Variants in SLC13A3 observed in about 807,000 individuals in gnomAD.
SLC13A3 encodes Na(+)/dicarboxylate cotransporter 3.
SLC13A3 carries 40 observed loss-of-function variants against 59.0 expected under a neutral mutation model. The ratio of observed to expected loss-of-function variants is 0.68; its 90% confidence interval spans 0.53 to 0.88. The LOEUF (loss-of-function observed/expected upper bound fraction) is 0.88. Ranked by LOEUF, SLC13A3 falls within the 40% of genes least tolerant of loss-of-function variation. SLC13A3 has a pLI of 0.00. For missense variants in SLC13A3, 699 were observed against 783.2 expected (o/e 0.89, Z 1.28); for synonymous variants, 317 against 330.3 (o/e 0.96, Z 0.44).
chr20:46,657,683 T>C (rs569739601), intron 1 of SLC13A3, among the ~76,000 whole-genome samples: 9 of 152,126 alleles, frequency 5.9e-5, no homozygotes, highest in Non-Finnish European at 1.3e-4. Context: ...GAAAAGAGGT[T>C]TAATGAGCTC....
chr20:46,623,176 C>T (rs1257224363), intron 1 of SLC13A3, among the ~76,000 whole-genome samples: 6 of 152,160 alleles, frequency 3.9e-5, no homozygotes, highest in African/African-American at 1.4e-4. Context: ...AAATGGAATA[C>T]AATGGTTGAG....
At chr20:46,563,385 G>C (rs1344241448) in intron 12 of SLC13A3, 29 bp downstream of exon 12, 2 of 1,604,908 alleles carry the variant, frequency 1.2e-6, no homozygotes, top group African/African-American at 1.3e-5. Context: ...CACATCCCGG[G>C]GCCTCTGCTG....
At chr20:46,666,431 T>G (rs1219329548) in intron 1 of SLC13A3, among the ~76,000 whole-genome samples, 1 of 152,164 alleles carries the variant, frequency 6.6e-6, no homozygotes, top group Non-Finnish European at 1.5e-5. Flanking sequence ...TACTTTTGAC[T>G]GAAAGAGAGT....
intron 1 of SLC13A3, among the ~76,000 whole-genome samples, chr20:46,679,880 C>A (rs943987323): frequency 8.6e-5 from 13 of 151,262 alleles, no homozygotes; most frequent in Non-Finnish European, 1.3e-4. Context: ...TACACTCCAG[C>A]CTGAGTGACA....
chr20:46,663,444 CAAA>C (rs11086176), intron 1 of SLC13A3, among the ~76,000 whole-genome samples: 7 of 122,204 alleles, frequency 5.7e-5, no homozygotes, highest in Admixed American at 3.4e-4. Context: ...GACCCTGTTT[CAAA>C]AAAAAAAAAA....
At chr20:46,655,909 T>C (rs893378703), upstream of SLC13A3, among the ~76,000 whole-genome samples, 9 of 141,978 alleles carry the variant, frequency 6.3e-5, no homozygotes, top group Non-Finnish European at 1.2e-4. Flanking sequence ...TACTGTACAG[T>C]ATATTATATA....
intron 1 of SLC13A3, among the ~76,000 whole-genome samples, chr20:46,679,443 T>G (rs545440205): frequency 6.6e-6 from 1 of 152,076 alleles, no homozygotes; most frequent in Non-Finnish European, 1.5e-5. Flanking sequence ...TGAAACCCCG[T>G]CTCTACTAAA....
chr20:46,674,252 T>C (rs2063109108), upstream of SLC13A3, among the ~76,000 whole-genome samples: 1 of 152,160 alleles, frequency 6.6e-6, no homozygotes, highest in Non-Finnish European at 1.5e-5. Context: ...TTGGCTTTGA[T>C]GCAGGTCCCA....
At chr20:46,683,159 T>C (rs1448487879) in intron 1 of SLC13A3, among the ~76,000 whole-genome samples, 4 of 152,136 alleles carry the variant, frequency 2.6e-5, no homozygotes, top group Admixed American at 2.0e-4. Context: ...ATACCGGAGA[T>C]AGAAATTATT....
At chr20:46,679,816 G>C (rs1321074124) in intron 1 of SLC13A3, among the ~76,000 whole-genome samples, 1 of 151,878 alleles carries the variant, frequency 6.6e-6, no homozygotes, top group Non-Finnish European at 1.5e-5. Flanking sequence ...GCTGAGGTGG[G>C]AGAATTGCTT....
chr20:46,624,965 T>C (rs1023164278), intron 1 of SLC13A3, among the ~76,000 whole-genome samples: 8 of 151,238 alleles, frequency 5.3e-5, no homozygotes, highest in Non-Finnish European at 1.0e-4. Flanking sequence ...GGCTGTGAAG[T>C]GTTCTGAGAA....
At chr20:46,624,220 A>T (rs1414688313) in intron 1 of SLC13A3, among the ~76,000 whole-genome samples, 3 of 152,194 alleles carry the variant, frequency 2.0e-5, no homozygotes, top group Non-Finnish European at 4.4e-5. Context: ...AAAATAACCT[A>T]TCTGGAGGCT....
At chr20:46,577,076 A>AGCCCACAGGTGTATGCT (rs2062085488) in intron 9 of SLC13A3, among the ~76,000 whole-genome samples, 2 of 61,888 alleles carry the variant, frequency 3.2e-5, no homozygotes, top group Non-Finnish European at 7.3e-5. Context: ...AGACGTATGA[A>AGCCCACAGGTGTATGCT]GCCCACAGAT....
intron 1 of SLC13A3, among the ~76,000 whole-genome samples, chr20:46,660,693 T>C (rs1259011358): frequency 2.0e-5 from 3 of 152,224 alleles, no homozygotes; most frequent in African/African-American, 7.2e-5. Context: ...AATTTTGGTA[T>C]ATTTCCCGTC....
intron 1 of SLC13A3, among the ~76,000 whole-genome samples, chr20:46,657,007 C>G (rs2062998497): frequency 6.6e-6 from 1 of 152,048 alleles, no homozygotes; most frequent in Admixed American, 6.6e-5. Flanking sequence ...AGGTTTTCTA[C>G]TTTTTTCGTT....
At position 46,615,619 on chromosome 20, in the gene SLC13A3, C is replaced by A. The variant is rs547766869; in HGVS notation, c.112-1894G>T. Reference sequence around the variant, plus strand: ...GTGATATGTGAGGCAAAGAGAGAAACCAAGGGCAATTCCAAGTTGTTGGTC... The same window carrying A: ...GTGATATGTGAGGCAAAGAGAGAAAACAAGGGCAATTCCAAGTTGTTGGTC... On this transcript the variant is annotated intron_variant, in intron 1 of 12. Coordinates refer to ENST00000279027, the MANE Select transcript of SLC13A3 (RefSeq NM_022829.6). Among the ~76,000 whole-genome samples, 8 of 152,262 alleles carry A rather than the reference C, an allele frequency of 5.3e-5. No homozygotes were observed. The East Asian group carries it at 1.5e-3, about 29-fold the overall frequency.
rs1248408107 is a variant in SLC13A3 at position 46,660,422 on chromosome 20, T to TTTCTATTG, written c.-31+9613_-31+9620dup. Among the ~76,000 whole-genome samples, 8 of 152,212 alleles carry TTTCTATTG rather than the reference T, an allele frequency of 5.3e-5. No homozygotes were observed. The East Asian group carries it at 7.7e-4, about 15-fold the overall frequency. ...AAGATCTCATTCCATTGTGTTCAAG[T>TTTCTATTG]TTCTATTGTTTCTGGTAAGAGATTA... is the stretch of plus-strand genomic sequence containing the variant. On this transcript the variant is annotated intron_variant, in intron 1 of 12. Coordinates refer to the SLC13A3 transcript ENST00000290317.
intron 1 of SLC13A3, chr20:46,675,954 A>G (rs2122942835): frequency 6.6e-6 from 1 of 152,356 alleles, no homozygotes; most frequent in East Asian, 1.9e-4. Flanking sequence ...CACCCTGTCC[A>G]GGCTGGAGTG....
intron 1 of SLC13A3, among the ~76,000 whole-genome samples, chr20:46,614,694 C>A (rs773297235): frequency 6.6e-6 from 1 of 152,182 alleles, no homozygotes; most frequent in Non-Finnish European, 1.5e-5. Flanking sequence ...TTATTACCCC[C>A]ATTTGATGGA....
Sources: gnomAD v4.1 joint callset for allele counts (sites outside exome capture counted in the v4.1 genomes callset) on GRCh38, gnomAD v4.1.1 for gene constraint, MANE v1.5 for transcripts, NCBI Gene and HGNC (gene_info 2026-07-23, HGNC 2026-07-21) for gene names.